PRKCA: variants seen among roughly 807,000 people sequenced by gnomAD.
PRKCA encodes protein kinase C alpha type.
A neutral mutation model predicts 87.0 loss-of-function variants in PRKCA; 27 were observed. The observed-to-expected ratio is 0.31, with a 90% CI of 0.23 to 0.43. The LOEUF (loss-of-function observed/expected upper bound fraction) is 0.43. Ranked by LOEUF, PRKCA falls within the 20% of genes least tolerant of loss-of-function variation. The pLI is 1.00. For synonymous variants in PRKCA, 329 were observed against 311.1 expected (o/e 1.06, Z -0.61); for missense variants, 518 against 852.3 (o/e 0.61, Z 4.88).
chr17:66,755,406 A>G (rs1974525484), intron 13 of PRKCA, among the ~76,000 whole-genome samples: 1 of 152,124 alleles, frequency 6.6e-6, no homozygotes, highest in South Asian at 2.1e-4. Context: ...CTCATCACAC[A>G]TGATTCAGGT....
intron 2 of PRKCA, among the ~76,000 whole-genome samples, chr17:66,366,041 C>T (rs1023209541): frequency 6.6e-6 from 1 of 152,124 alleles, no homozygotes; most frequent in Non-Finnish European, 1.5e-5. Context: ...TTGAAGTTTG[C>T]TTTATCCTTA....
At chr17:66,615,875 T>A (rs980411602) in intron 3 of PRKCA, among the ~76,000 whole-genome samples, 2 of 152,092 alleles carry the variant, frequency 1.3e-5, no homozygotes, top group Non-Finnish European at 2.9e-5. Context: ...CTTCAAGGAA[T>A]CCCCCCAGCT....
chr17:66,346,221 C>A (rs572926284), intron 2 of PRKCA, among the ~76,000 whole-genome samples: 1 of 151,504 alleles, frequency 6.6e-6, no homozygotes, highest in East Asian at 1.9e-4. Context: ...CTCAACCTCT[C>A]GAGTAGCTGG....
At chr17:66,504,836 T>G (rs1916901488) in intron 3 of PRKCA, among the ~76,000 whole-genome samples, 1 of 152,188 alleles carries the variant, frequency 6.6e-6, no homozygotes, top group African/African-American at 2.4e-5. Flanking sequence ...GTCTCTTGCC[T>G]AATGCTGCCA....
chr17:66,456,837 T>A (rs1252932903), intron 2 of PRKCA, among the ~76,000 whole-genome samples: 2 of 152,136 alleles, frequency 1.3e-5, no homozygotes, highest in Non-Finnish European at 2.9e-5. Context: ...CGTACTAGCC[T>A]TGGAGGAACA....
In PRKCA at chr17:66,587,739, GTA is replaced by G. The variant is rs1448360907; in HGVS notation, c.289-53612_289-53611del. Among the ~76,000 whole-genome samples, 79 of 73,322 alleles carry G rather than the reference GTA, an allele frequency of 1.1e-3. 9 individuals carry two copies. The highest frequency in any genetic ancestry group is 7.1e-3 in the Middle Eastern group (1 of 140). 48.1% of individuals were successfully genotyped at this position (73,322 alleles called of 152,430 possible). A position where few individuals can be genotyped will look rare whatever the true frequency, so the allele number is the denominator to read the frequency against. On this transcript the variant is annotated intron_variant, in intron 3 of 16. Coordinates refer to ENST00000413366, the MANE Select transcript of PRKCA (RefSeq NM_002737.3). ...TGTGTGTATATGTATACATATATAC[GTA>G]TATGTGTGTATATGTATACATATAT...
At position 66,562,151 on chromosome 17, in the gene PRKCA, AAAT is replaced by A. The variant is rs1406510716; in HGVS notation, c.288+65869_288+65871del. Among the ~76,000 whole-genome samples, 8 of 85,106 alleles carry A rather than the reference AAAT, an allele frequency of 9.4e-5. No individual in the cohort carries two copies. In the East Asian group the frequency reaches 3.2e-3, roughly 34 times the overall value. The allele number at this position is 85,106 out of a possible 152,430, so 55.8% of individuals were successfully genotyped here. On this transcript the variant is annotated intron_variant, in intron 3 of 16. Transcript: ENST00000413366. Reference sequence around the variant, plus strand: ...ATATAATTAAATTATATATATAATTAAATTATATATATAATTAAATATATATAA... The same window carrying A: ...ATATAATTAAATTATATATATAATTATATATATATAATTAAATATATATAA...
At chr17:66,558,727 A>G (rs189489792) in intron 3 of PRKCA, among the ~76,000 whole-genome samples, 5 of 152,074 alleles carry the variant, frequency 3.3e-5, no homozygotes, top group Admixed American at 6.5e-5. Flanking sequence ...AAAAGAGAGA[A>G]TGTGAGAAGA....
rs1974360648 is a variant in PRKCA at position 66,748,793 on chromosome 17, A to C, written c.1524+6033A>C. Among the ~76,000 whole-genome samples the C allele has an allele frequency of 5.3e-5, 8 of 152,222 alleles. No homozygotes were observed. In the South Asian group the frequency reaches 1.7e-3, roughly 32 times the overall value. On this transcript the variant is annotated intron_variant, in intron 13 of 16. Transcript: ENST00000413366. ...ATTTACGTGGCAGAAACTTGAGCCA[A>C]AGTTTCTAAGCCAAAGGGGAAATGC...
At chr17:66,575,169 C>T (rs946539303) in intron 3 of PRKCA, among the ~76,000 whole-genome samples, 3 of 152,158 alleles carry the variant, frequency 2.0e-5, no homozygotes, top group Non-Finnish European at 2.9e-5. Flanking sequence ...GACTAAGAGG[C>T]GGTAGCAGCA....
intron 3 of PRKCA, among the ~76,000 whole-genome samples, chr17:66,592,861 C>T (rs371131982): frequency 6.6e-6 from 1 of 152,328 alleles, no homozygotes; most frequent in Non-Finnish European, 1.5e-5. Context: ...GGCGCAATCT[C>T]GGCTCACTGC....
At chr17:66,490,688 C>A (rs1173166205) in intron 2 of PRKCA, among the ~76,000 whole-genome samples, 1 of 151,976 alleles carries the variant, frequency 6.6e-6, no homozygotes, top group East Asian at 1.9e-4. Context: ...TCAAGCAATT[C>A]TCCTGCCTCA....
At chr17:66,754,227 T>C (rs914075451) in intron 13 of PRKCA, among the ~76,000 whole-genome samples, 4 of 152,064 alleles carry the variant, frequency 2.6e-5, no homozygotes, top group African/African-American at 4.8e-5. Context: ...CATATATATA[T>C]GTATGTGTAT....
At chr17:66,402,859 T>C (rs1188258119) in intron 2 of PRKCA, among the ~76,000 whole-genome samples, 1 of 152,178 alleles carries the variant, frequency 6.6e-6, no homozygotes, top group Non-Finnish European at 1.5e-5. Context: ...TAAATGAAGA[T>C]GAAAAGTTTA....
At chr17:66,325,116 T>C (rs1234022972) in intron 2 of PRKCA, among the ~76,000 whole-genome samples, 14 of 152,226 alleles carry the variant, frequency 9.2e-5, no homozygotes, top group Admixed American at 9.2e-4. Flanking sequence ...AGTAAAAATT[T>C]TTCCTAAAAA....
chr17:66,589,669 A>ATTGGCAGTTG (rs1969736259), intron 3 of PRKCA, among the ~76,000 whole-genome samples: 5 of 152,090 alleles, frequency 3.3e-5, no homozygotes, highest in Admixed American at 2.6e-4. Flanking sequence ...CATAATGGGG[A>ATTGGCAGTTG]GGGGCAGTTG....
intron 9 of PRKCA, among the ~76,000 whole-genome samples, chr17:66,733,687 G>A (rs1440183215): frequency 6.6e-6 from 1 of 152,184 alleles, no homozygotes; most frequent in African/African-American, 2.4e-5. Context: ...AGCTACTCGG[G>A]AAGCTGAGGC....
chr17:66,732,325 C>T (rs945949994), intron 8 of PRKCA, among the ~76,000 whole-genome samples: 8 of 152,154 alleles, frequency 5.3e-5, no homozygotes, highest in African/African-American at 1.9e-4. Flanking sequence ...CATCAGTACA[C>T]AGTTTATTTC....
intron 5 of PRKCA, among the ~76,000 whole-genome samples, chr17:66,655,182 G>A (rs544708710): frequency 2.6e-4 from 39 of 152,318 alleles, no homozygotes; most frequent in East Asian, 1.7e-3. Context: ...ATTCAAATGC[G>A]TATGCTTTTG....
Sources: allele counts gnomAD v4.1 joint callset (sites outside exome capture counted in the v4.1 genomes callset), GRCh38; gene constraint gnomAD v4.1.1; transcripts MANE v1.5; gene names NCBI Gene and HGNC (gene_info 2026-07-23, HGNC 2026-07-21).